Variants in PCCA observed in about 807,000 individuals in gnomAD.
PCCA encodes the protein propionyl-CoA carboxylase alpha chain, mitochondrial.
PCCA carries 74 observed loss-of-function variants against 101.3 expected under a neutral mutation model. The observed-to-expected ratio is 0.73, with a 90% confidence interval of 0.61 to 0.89. PCCA has a LOEUF of 0.89. Ranked by LOEUF, PCCA falls within the 40% of genes least tolerant of loss-of-function variation. The probability of loss-of-function intolerance (pLI) is 0.00; values close to 1 mark genes in which losing one functional copy is unlikely to be tolerated. For synonymous variants in PCCA, 294 were observed against 313.6 expected (o/e 0.94, Z 0.66); for missense variants, 891 against 907.0 (o/e 0.98, Z 0.23).
chr13:100,097,642 C>T lies in PCCA; in HGVS notation c.106-5241C>T, dbSNP rs370288953. On this transcript the variant is annotated intron_variant, in intron 1 of 23. Coordinates refer to ENST00000376285, the MANE Select transcript of PCCA (RefSeq NM_000282.4). Reference sequence around the variant, plus strand: ...GCTGAGACGGGAGAATTGCTTGAACCTGGGAGGCAGAGGTTGCAGTGAGCC... The same window carrying T: ...GCTGAGACGGGAGAATTGCTTGAACTTGGGAGGCAGAGGTTGCAGTGAGCC... Among the ~76,000 whole-genome samples, 18 of 152,292 alleles carry T rather than the reference C, an allele frequency of 1.2e-4. No individual in the cohort carries two copies. The East Asian group carries it at 3.3e-3, about 28-fold the overall frequency.
chr13:100,288,587 T>C (rs1342289572), intron 12 of PCCA, among the ~76,000 whole-genome samples: 1 of 152,242 alleles, frequency 6.6e-6, no homozygotes. Flanking sequence ...GGCGATACAT[T>C]GTTTTTAACT....
intron 7 of PCCA, among the ~76,000 whole-genome samples, chr13:100,222,428 A>C (rs911762256): frequency 2.0e-5 from 3 of 152,172 alleles, no homozygotes; most frequent in Non-Finnish European, 2.9e-5. Context: ...TATTTCTGAT[A>C]CAAGAGGCTG....
At chr13:100,089,928 G>A (rs2046123622) in intron 1 of PCCA, among the ~76,000 whole-genome samples, 1 of 152,150 alleles carries the variant, frequency 6.6e-6, no homozygotes, top group South Asian at 2.1e-4. Context: ...TGGAGTGCTT[G>A]TGTGTGCTTC....
intron 14 of PCCA, among the ~76,000 whole-genome samples, chr13:100,306,972 G>A (rs2066499701): frequency 6.6e-6 from 1 of 152,010 alleles, no homozygotes; most frequent in Non-Finnish European, 1.5e-5. Context: ...TTTTATTTTT[G>A]CTGTTTTTTA....
At chr13:100,101,452 T>C (rs2047272511) in intron 1 of PCCA, among the ~76,000 whole-genome samples, 1 of 152,190 alleles carries the variant, frequency 6.6e-6, no homozygotes, top group African/African-American at 2.4e-5. Context: ...GTCTTGATCT[T>C]TAATAGGGAC....
At chr13:100,520,615 A>AC (rs2087194322) in intron 22 of PCCA, among the ~76,000 whole-genome samples, 1 of 141,724 alleles carries the variant, frequency 7.1e-6, no homozygotes, top group Non-Finnish European at 1.5e-5. Context: ...AGCCTGGGCG[A>AC]CAGAGCGAGA....
chr13:100,105,519 G>A (rs1172143400), intron 2 of PCCA, among the ~76,000 whole-genome samples: 1 of 151,940 alleles, frequency 6.6e-6, no homozygotes, highest in Non-Finnish European at 1.5e-5. Flanking sequence ...TTCCTCATTA[G>A]CGTAATAACT....
intron 12 of PCCA, among the ~76,000 whole-genome samples, chr13:100,283,873 C>T (rs1309369807): frequency 6.6e-6 from 1 of 152,172 alleles, no homozygotes; most frequent in African/African-American, 2.4e-5. Context: ...GCTGCCGCCT[C>T]GTCCATGTCC....
At chr13:100,434,974 G>T (rs2079821801) in intron 20 of PCCA, among the ~76,000 whole-genome samples, 1 of 152,202 alleles carries the variant, frequency 6.6e-6, no homozygotes, top group Non-Finnish European at 1.5e-5. Context: ...CTACCAGGTA[G>T]CCTTGGCTAG....
At chr13:100,227,156 T>C (rs1249956816) in intron 7 of PCCA, among the ~76,000 whole-genome samples, 1 of 152,082 alleles carries the variant, frequency 6.6e-6, no homozygotes, top group African/African-American at 2.4e-5. Flanking sequence ...GTTTTTTTTT[T>C]GGTAGAGACG....
chr13:100,089,738 G>A (rs772795649), intron 1 of PCCA, among the ~76,000 whole-genome samples: 4 of 152,158 alleles, frequency 2.6e-5, no homozygotes, highest in Admixed American at 2.6e-4. Context: ...TAGATTTTAC[G>A]TTTCATTTGA....
chr13:100,449,728 G>A (rs2081084862), intron 21 of PCCA, among the ~76,000 whole-genome samples: 1 of 152,178 alleles, frequency 6.6e-6, no homozygotes, highest in Non-Finnish European at 1.5e-5. Flanking sequence ...GGCCTCAAGT[G>A]ATCCATCCAC....
chr13:100,312,034 C>T (rs1426992265), intron 16 of PCCA, among the ~76,000 whole-genome samples: 2 of 152,050 alleles, frequency 1.3e-5, no homozygotes, highest in East Asian at 3.9e-4. Context: ...CACATGAGGA[C>T]ACTGATGATC....
At chr13:100,522,532 C>G (rs963225338) in intron 22 of PCCA, among the ~76,000 whole-genome samples, 1 of 152,104 alleles carries the variant, frequency 6.6e-6, no homozygotes, top group African/African-American at 2.4e-5. Context: ...CGGGGCGGCT[C>G]GATGCTGTGA....
At chr13:100,257,703 T>C in intron 9 of PCCA, 30 bp downstream of exon 9, 1 of 1,530,368 alleles carries the variant, frequency 6.5e-7, no homozygotes, top group Non-Finnish European at 9.0e-7. Flanking sequence ...ATACTTTTGA[T>C]GAAAATTGCA....
intron 7 of PCCA, among the ~76,000 whole-genome samples, chr13:100,227,925 C>T (rs1045873939): frequency 1.3e-5 from 2 of 152,086 alleles, no homozygotes; most frequent in African/African-American, 4.8e-5. Flanking sequence ...GAAAATAAAA[C>T]TATTCTAAAG....
chr13:100,341,254 G>A (rs1357500235), intron 18 of PCCA, among the ~76,000 whole-genome samples: 23 of 152,184 alleles, frequency 1.5e-4, no homozygotes, highest in Admixed American at 1.1e-3. Flanking sequence ...CAATAGAACC[G>A]TGAATCTGCT....
chr13:100,366,102 G>C (rs1202870205), intron 18 of PCCA, among the ~76,000 whole-genome samples: 1 of 152,226 alleles, frequency 6.6e-6, no homozygotes, highest in Non-Finnish European at 1.5e-5. Context: ...ATGATCATGA[G>C]CAAGATAGTG....
intron 22 of PCCA, among the ~76,000 whole-genome samples, chr13:100,521,426 C>A (rs2087283746): frequency 6.6e-6 from 1 of 152,232 alleles, no homozygotes; most frequent in Non-Finnish European, 1.5e-5. Context: ...GGAGAAAGGG[C>A]TGGGCGGCGT....
Sources: allele counts gnomAD v4.1 joint callset (sites outside exome capture counted in the v4.1 genomes callset), GRCh38; gene constraint gnomAD v4.1.1; transcripts MANE v1.5; gene names NCBI Gene and HGNC (gene_info 2026-07-23, HGNC 2026-07-21).